CPEB4: variants seen among roughly 807,000 people sequenced by gnomAD.
CPEB4 encodes the protein cytoplasmic polyadenylation element binding protein 4.
Under a neutral mutation model 72.5 loss-of-function variants are expected in CPEB4, and 12 were observed. The ratio of observed to expected loss-of-function variants is 0.17; its 90% CI spans 0.11 to 0.27. The LOEUF is 0.27. Among genes scored for constraint, CPEB4 ranks in the 10% least tolerant of loss-of-function variants. The pLI is 1.00. For synonymous variants in CPEB4, 302 were observed against 326.3 expected, an observed-to-expected ratio of 0.93 and a Z score of 0.80; for missense variants, 614 against 908.5, an observed-to-expected ratio of 0.68 and a Z score of 4.17.
rs1758344667 is a variant in CPEB4 at position 173,955,305 on chromosome 5, C to G, written c.1963-605C>G. ...CCATTCTTACTGAGAAAGAACAAAG[C>G]AGGGTTTTAGACTGTGAATCCTATG... On this transcript the variant is annotated intron_variant, in intron 9 of 9. Transcript: ENST00000265085. This position sits in a 1 kb window ranked among gnomAD's most constrained non-coding sequence, Gnocchi z 4.7. Among the ~76,000 whole-genome samples the G allele has an allele frequency of 6.6e-6, 1 of 151,862 alleles. No homozygotes were observed. Among genetic ancestry groups the G allele is most frequent in the East Asian group, 1.9e-4 (1 of 5,178 alleles).
In CPEB4 at chr5:173,900,405, C is replaced by CAA. The variant is rs112178226; in HGVS notation, c.1125+9559_1125+9560dup. Among the ~76,000 whole-genome samples, 3 of 143,780 alleles carry CAA rather than the reference C, an allele frequency of 2.1e-5. No homozygotes were observed. The highest frequency in any genetic ancestry group is 3.5e-3 in the Middle Eastern group (1 of 282). The allele number at this position is 143,780 out of a possible 152,430, so 94.3% of individuals were successfully genotyped here. On this transcript the variant is annotated intron_variant, in intron 1 of 9. Coordinates refer to ENST00000265085, the MANE Select transcript of CPEB4 (RefSeq NM_030627.4). This position sits in a 1 kb window ranked among gnomAD's most constrained non-coding sequence, Gnocchi z 4.4. ...GGACAACAACAGCGGAACTCTGTCT[C>CAA]AAAAAAAAAAAAAGTTGTACATTAG... is the stretch of plus-strand genomic sequence containing the variant.
At chr5:173,925,733 T>A (rs1489020759) in intron 2 of CPEB4, among the ~76,000 whole-genome samples, 1 of 152,232 alleles carries the variant, frequency 6.6e-6, no homozygotes, top group African/African-American at 2.4e-5. Context: ...GTAGGAGGAC[T>A]ACCTCCTTTA....
rs1561625579 is a variant in CPEB4 at position 173,937,019 on chromosome 5, C to CCTTTTTTTTTTTTTT, written c.1258+4519_1258+4520insCTTTTTTTTTTTTTT. On this transcript the variant is annotated intron_variant, in intron 3 of 9. Transcript: ENST00000265085. ...GGTAGCACAGAACAACATTTCTTTC[C>CCTTTTTTTTTTTTTT]TTTTTTTTTTTTTTTTTTTTTTGAG... 2.1e-5 allele frequency among the ~76,000 whole-genome samples: 2 copies of CCTTTTTTTTTTTTTT among 97,214 alleles called. 1 individual carries two copies. 63.8% of individuals were successfully genotyped at this position (97,214 alleles called of 152,430 possible).
At chr5:173,928,316 T>C (rs548539919) in intron 2 of CPEB4, among the ~76,000 whole-genome samples, 1 of 152,280 alleles carries the variant, frequency 6.6e-6, no homozygotes, top group East Asian at 1.9e-4. Context: ...TATAGGTTGG[T>C]GCAAAAGTAG....
At chr5:173,940,532 T>A (rs1757800511) in intron 3 of CPEB4, among the ~76,000 whole-genome samples, 1 of 152,356 alleles carries the variant, frequency 6.6e-6, no homozygotes, top group East Asian at 1.9e-4. Context: ...GTACATCTTT[T>A]TTATGTAAGA....
chr5:173,934,636 C>T (rs1333310570), intron 3 of CPEB4, among the ~76,000 whole-genome samples: 1 of 152,144 alleles, frequency 6.6e-6, no homozygotes, highest in Non-Finnish European at 1.5e-5. Flanking sequence ...AACCAACCAA[C>T]TAGGACCAGA....
intron 3 of CPEB4, among the ~76,000 whole-genome samples, chr5:173,937,128 C>T (rs1451299078): frequency 6.7e-6 from 1 of 149,700 alleles, no homozygotes; most frequent in Non-Finnish European, 1.5e-5. Flanking sequence ...CTGTAGCCTC[C>T]ATCTCCCAGG....
At chr5:173,954,010 A>AC (rs1554095887) in intron 9 of CPEB4, among the ~76,000 whole-genome samples, 1 of 151,172 alleles carries the variant, frequency 6.6e-6, no homozygotes, top group East Asian at 1.9e-4. Flanking sequence ...CCAGCTGGCG[A>AC]TTTTTTTTTC....
intron 3 of CPEB4, among the ~76,000 whole-genome samples, chr5:173,934,474 G>A (rs528761204): frequency 1.8e-4 from 28 of 152,248 alleles, no homozygotes; most frequent in Admixed American, 1.7e-3. Flanking sequence ...AAAGAGAGAT[G>A]TCTTTCTTCT....
chr5:173,938,266 C>A (rs1757699620), intron 3 of CPEB4, among the ~76,000 whole-genome samples: 1 of 152,110 alleles, frequency 6.6e-6, no homozygotes, highest in East Asian at 1.9e-4. Context: ...CGCTCTGTTG[C>A]CCAGGCTGGA....
intron 2 of CPEB4, among the ~76,000 whole-genome samples, chr5:173,911,388 G>C (rs1052972662): frequency 6.6e-6 from 1 of 151,488 alleles, no homozygotes; most frequent in Non-Finnish European, 1.5e-5. Context: ...TCAGCCTCCC[G>C]AGTAGCTGGG....
intron 1 of CPEB4, among the ~76,000 whole-genome samples, chr5:173,903,560 T>C (rs1290768842): frequency 6.6e-6 from 1 of 152,256 alleles, no homozygotes; most frequent in Non-Finnish European, 1.5e-5. Context: ...CCCAGTAATC[T>C]GTATTTTAAC....
At chr5:173,944,871 A>G in intron 4 of CPEB4, 96 bp from the exon 5 acceptor site, 2 of 1,001,582 alleles carry the variant, frequency 2.0e-6, no homozygotes, top group South Asian at 3.2e-5. Flanking sequence ...TAAAAGCAGC[A>G]GTTTTATTGA....
intron 2 of CPEB4, among the ~76,000 whole-genome samples, chr5:173,924,240 T>C (rs1374960307): frequency 6.6e-6 from 1 of 152,210 alleles, no homozygotes; most frequent in Non-Finnish European, 1.5e-5. Context: ...AGATCCTCTC[T>C]GGTTTTATTG....
At chr5:173,928,364 G>A (rs1214575619) in intron 2 of CPEB4, among the ~76,000 whole-genome samples, 1 of 152,106 alleles carries the variant, frequency 6.6e-6, no homozygotes, top group African/African-American at 2.4e-5. Flanking sequence ...ACTCTGGTCG[G>A]GATGTTGATA....
intron 1 of CPEB4, among the ~76,000 whole-genome samples, chr5:173,909,016 C>T (rs550588250): frequency 1.3e-5 from 2 of 152,098 alleles, no homozygotes; most frequent in Non-Finnish European, 2.9e-5. Context: ...CTCCTACTTT[C>T]AATGTATCAA....
Position 173,955,830 on chromosome 5 carries a change from TAGTG to T in CPEB4, c.1963-79_1963-76del. The T allele has an allele frequency of 8.9e-7, 1 of 1,119,498 alleles. No individual in the cohort carries two copies. The allele number at this position is 1,119,498 out of a possible 1,614,324, so 69.3% of individuals were successfully genotyped here. A position where few individuals can be genotyped will look rare whatever the true frequency, so the allele number is the denominator to read the frequency against. Reference sequence around the variant, plus strand: ...GCACCTTGGAACAGATTCATTCAGATAGTGGGTGGAAATGTACATGTATGGTAAG... The same window carrying T: ...GCACCTTGGAACAGATTCATTCAGATGGTGGAAATGTACATGTATGGTAAG... On this transcript the variant is annotated intron_variant, in intron 9 of 9. Coordinates refer to ENST00000265085, the MANE Select transcript of CPEB4 (RefSeq NM_030627.4). The surrounding 1 kb of genome is among the most constrained non-coding windows in gnomAD (Gnocchi z 4.7).
chr5:173,907,088 G>GAA (rs1756466739), intron 1 of CPEB4, among the ~76,000 whole-genome samples: 1 of 152,184 alleles, frequency 6.6e-6, no homozygotes, highest in South Asian at 2.1e-4. Flanking sequence ...CCAACATAGT[G>GAA]AAACCCCGTC....
At chr5:173,921,289 G>C (rs1028740256) in intron 2 of CPEB4, among the ~76,000 whole-genome samples, 1 of 152,134 alleles carries the variant, frequency 6.6e-6, no homozygotes, top group Non-Finnish European at 1.5e-5. Flanking sequence ...TTTGATCAAA[G>C]TAGGTCTTAA....
Sources: gnomAD v4.1 joint callset for allele counts (sites outside exome capture counted in the v4.1 genomes callset) on GRCh38, gnomAD v4.1.1 for gene constraint, Gnocchi (gnomAD v3.1) non-coding constraint, MANE v1.5 for transcripts, NCBI Gene and HGNC (gene_info 2026-07-23, HGNC 2026-07-21) for gene names.